MCCC1: variants seen among roughly 807,000 people sequenced by gnomAD.
MCCC1 encodes the protein methylcrotonoyl-CoA carboxylase subunit alpha, mitochondrial.
MCCC1 carries 64 observed loss-of-function variants against 83.8 expected under a neutral mutation model. That is an observed-to-expected ratio of 0.76 (90% CI 0.62 to 0.94). The LOEUF (loss-of-function observed/expected upper bound fraction) is 0.94, where lower values mean the gene tolerates loss of function less well. Among genes scored for constraint, MCCC1 ranks in the 40% least tolerant of loss-of-function variants. The pLI is 0.00. For synonymous variants in MCCC1, 322 were observed against 315.4 expected (o/e 1.02, Z -0.22); for missense variants, 807 against 904.7 (o/e 0.89, Z 1.39).
At position 183,039,195 on chromosome 3, in the gene MCCC1, G is replaced by A. The variant is rs1043066972; in HGVS notation, c.1268-60C>T. On this transcript the variant is annotated intron_variant, in intron 11 of 18. Coordinates refer to ENST00000265594, the MANE Select transcript of MCCC1 (RefSeq NM_020166.5). The stretch of plus-strand genomic sequence containing the variant: ...AAAACACGAAGGAATAAAATACAAC[G>A]AGCAAGACATTTTGTTATGTACATT... The A allele has an allele frequency of 2.1e-5, 31 of 1,459,644 alleles. No homozygotes were observed. The Admixed American group carries it at 3.1e-4, about 14-fold the overall frequency. 90.4% of individuals were successfully genotyped at this position (1,459,644 alleles called of 1,614,324 possible).
At chr3:183,057,485 A>G in intron 7 of MCCC1, 63 bp from the exon 8 acceptor site, 2 of 1,273,932 alleles carry the variant, frequency 1.6e-6, no homozygotes, top group Non-Finnish European at 2.2e-6. Context: ...CACATTCGTT[A>G]AGCTAAACTG....
At chr3:183,036,098 T>C (rs1713565161) in intron 13 of MCCC1, among the ~76,000 whole-genome samples, 2 of 151,786 alleles carry the variant, frequency 1.3e-5, no homozygotes, top group African/African-American at 4.8e-5. Context: ...GGCAGAACTT[T>C]CTAATGGAGA....
intron 16 of MCCC1, 26 bp from the exon 17 acceptor site, chr3:183,020,263 C>G (rs1712042564): frequency 5.2e-6 from 8 of 1,528,880 alleles, no homozygotes; most frequent in Non-Finnish European, 7.3e-6. Context: ...AAACTGAAAA[C>G]CGAATCAACA....
In MCCC1 at chr3:183,072,389, T is replaced by C. The variant is rs1232325199; in HGVS notation, c.468A>G (p.Ala156=). The change falls in exon 5 of 19, where the codon GCA becomes GCG. Residue 156 remains alanine (A), a synonymous_variant. Transcript: ENST00000265594. ...ACCTCTTTATACCCATGTCTCTAAT[T>C]GCAGATGGAGGAGGGCCTATAAAAA... is the stretch of plus-strand genomic sequence containing the variant. ...GIIFIGPPPS[A]IRDMGIKSTS... 2 of 1,613,912 alleles carry C rather than the reference T, an allele frequency of 1.2e-6. No homozygotes were observed. Among genetic ancestry groups the C allele is most frequent in the Non-Finnish European group, 1.7e-6 (2 of 1,179,784 alleles).
intron 15 of MCCC1, among the ~76,000 whole-genome samples, chr3:183,025,260 C>T (rs75534595): frequency 0.056 from 8,536 of 152,206 alleles, 349 homozygotes; most frequent in East Asian, 0.097. Context: ...CTTGAATGCA[C>T]TGAATGCAAA....
intron 1 of MCCC1, among the ~76,000 whole-genome samples, chr3:183,096,365 G>A (rs1183935570): frequency 1.3e-5 from 2 of 151,754 alleles, no homozygotes; most frequent in African/African-American, 4.8e-5. Flanking sequence ...TAAATAAAAA[G>A]CATATGCAGG....
chr3:183,032,042 T>G (rs995666663), intron 14 of MCCC1, among the ~76,000 whole-genome samples: 1 of 152,190 alleles, frequency 6.6e-6, no homozygotes, highest in Non-Finnish European at 1.5e-5. Flanking sequence ...TTTGGAGACT[T>G]AGCTATGTAT....
At chr3:183,022,388 G>A in intron 16 of MCCC1, 29 bp downstream of exon 16, 1 of 1,612,454 alleles carries the variant, frequency 6.2e-7, no homozygotes, top group East Asian at 2.2e-5. Flanking sequence ...CCATGCCCCA[G>A]GAGGGATATT....
chr3:183,072,598 G>T, intron 4 of MCCC1, 111 bp from the exon 5 acceptor site: 1 of 1,180,502 alleles, frequency 8.5e-7, no homozygotes, highest in Non-Finnish European at 1.2e-6. Context: ...ACTGGTAATA[G>T]TATGGTCTCT....
intron 1 of MCCC1, among the ~76,000 whole-genome samples, chr3:183,113,840 G>A (rs1318105647): frequency 3.9e-5 from 6 of 152,138 alleles, no homozygotes; most frequent in African/African-American, 1.4e-4. Flanking sequence ...TTTTTAGCTG[G>A]TGGGTCAAAA....
At chr3:183,022,821 C>A in intron 15 of MCCC1, 1 of 297,484 alleles carries the variant, frequency 3.4e-6, no homozygotes, top group Non-Finnish European at 6.2e-6. Flanking sequence ...TAAAGGTTCA[C>A]GTAAACATAT....
At chr3:183,072,281 GTAT>G in intron 5 of MCCC1, 82 bp downstream of exon 5, 2 of 1,499,026 alleles carry the variant, frequency 1.3e-6, no homozygotes, top group Non-Finnish European at 1.8e-6. Flanking sequence ...CAAAACACTG[GTAT>G]TACAGGCATA....
intron 1 of MCCC1, 25 bp downstream of exon 1, chr3:183,099,327 A>G (rs777690886): frequency 1.9e-6 from 3 of 1,577,322 alleles, no homozygotes; most frequent in Non-Finnish European, 2.6e-6. Flanking sequence ...GCCTCTGCCC[A>G]CTGAGCCATG....
chr3:183,102,282 G>A (rs1029969214), upstream of MCCC1, among the ~76,000 whole-genome samples: 1 of 152,136 alleles, frequency 6.6e-6, no homozygotes, highest in Admixed American at 6.5e-5. Flanking sequence ...AGGATCACTT[G>A]AGCCCAGGAG....
chr3:183,098,969 C>T (rs1253350875), intron 1 of MCCC1: 1 of 332,912 alleles, frequency 3.0e-6, no homozygotes, highest in Non-Finnish European at 5.7e-6. Context: ...AGTCGTTGAT[C>T]CCTTTGGGCT....
chr3:183,097,544 G>C (rs983660331), intron 1 of MCCC1, among the ~76,000 whole-genome samples: 3 of 152,208 alleles, frequency 2.0e-5, no homozygotes, highest in Non-Finnish European at 4.4e-5. Context: ...ACAAGTGTGT[G>C]CCACTACGCC....
At chr3:183,103,403 C>T (rs1218867865), upstream of MCCC1, among the ~76,000 whole-genome samples, 1 of 152,094 alleles carries the variant, frequency 6.6e-6, no homozygotes, top group Non-Finnish European at 1.5e-5. Context: ...CTGATTGGTG[C>T]GTTTACAATC....
At chr3:183,049,234 T>G (rs542614954) in intron 9 of MCCC1, among the ~76,000 whole-genome samples, 1 of 151,672 alleles carries the variant, frequency 6.6e-6, no homozygotes, top group Admixed American at 6.6e-5. Flanking sequence ...TAATAAAAAT[T>G]AAAGCAAAAA....
At chr3:183,098,798 A>C (rs576801630) in intron 1 of MCCC1, 1 of 158,090 alleles carries the variant, frequency 6.3e-6, no homozygotes, top group Non-Finnish European at 1.4e-5. Context: ...AGCTCTGTGG[A>C]AGGTACATTT....
Sources: gnomAD v4.1 joint callset for allele counts (sites outside exome capture counted in the v4.1 genomes callset) on GRCh38, gnomAD v4.1.1 for gene constraint, MANE v1.5 for transcripts, NCBI Gene and HGNC (gene_info 2026-07-23, HGNC 2026-07-21) for gene names.